ZFPM2: variants seen among roughly 807,000 people sequenced by gnomAD.
The protein encoded by ZFPM2 is zinc finger protein ZFPM2.
In ZFPM2, 20 loss-of-function variants were observed where a neutral mutation model predicts 98.6. The observed-to-expected ratio is 0.20, with a 90% CI of 0.14 to 0.29. The LOEUF (loss-of-function observed/expected upper bound fraction) is 0.29. Ranked by LOEUF, ZFPM2 falls within the 10% of genes least tolerant of loss-of-function variation. ZFPM2 has a pLI of 1.00. For synonymous variants in ZFPM2, 518 were observed against 502.7 expected (o/e 1.03, Z -0.41); for missense variants, 1,310 against 1,388.6 (o/e 0.94, Z 0.90).
intron 1 of ZFPM2, among the ~76,000 whole-genome samples, chr8:105,321,001 T>C (rs1438391010): frequency 1.3e-5 from 2 of 152,236 alleles, no homozygotes; most frequent in Non-Finnish European, 2.9e-5. Flanking sequence ...TTGGATTCAA[T>C]TTGGGGTCAC....
chr8:105,707,969 T>G (rs1469827019), intron 5 of ZFPM2, among the ~76,000 whole-genome samples: 1 of 152,176 alleles, frequency 6.6e-6, no homozygotes, highest in Non-Finnish European at 1.5e-5. Context: ...GAAAATAATT[T>G]TTAACTCTTT....
chr8:105,546,245 T>C (rs1814694430), intron 3 of ZFPM2, among the ~76,000 whole-genome samples: 1 of 152,132 alleles, frequency 6.6e-6, no homozygotes, highest in South Asian at 2.1e-4. Flanking sequence ...TTTTTATCCA[T>C]ATGTTTTATT....
chr8:105,696,522 T>G (rs570320800), intron 5 of ZFPM2, among the ~76,000 whole-genome samples: 1 of 152,206 alleles, frequency 6.6e-6, no homozygotes, highest in Non-Finnish European at 1.5e-5. Context: ...CCACTTTATT[T>G]GCTACCAAAG....
intron 2 of ZFPM2, among the ~76,000 whole-genome samples, chr8:105,438,355 C>A (rs1318499231): frequency 6.6e-6 from 1 of 152,152 alleles, no homozygotes; most frequent in Non-Finnish European, 1.5e-5. Flanking sequence ...TCTCAGTGCC[C>A]AACACAGTGC....
chr8:105,371,321 C>G (rs1348691516), intron 1 of ZFPM2, among the ~76,000 whole-genome samples: 2 of 152,108 alleles, frequency 1.3e-5, no homozygotes, highest in Non-Finnish European at 2.9e-5. Flanking sequence ...AGAATTTATA[C>G]TTGCTGATGA....
chr8:105,561,617 C>A, intron 4 of ZFPM2, 136 bp downstream of exon 4: 2 of 692,918 alleles, frequency 2.9e-6, no homozygotes, highest in Non-Finnish European at 4.8e-6. Flanking sequence ...TCGTGGACAG[C>A]AAAACTTGGA....
intron 2 of ZFPM2, among the ~76,000 whole-genome samples, chr8:105,422,274 C>T (rs1811810605): frequency 6.6e-6 from 1 of 150,922 alleles, no homozygotes. Context: ...CCCATCTCTA[C>T]TAAAATACAA....
At chr8:105,584,905 A>C (rs1815679904) in intron 4 of ZFPM2, among the ~76,000 whole-genome samples, 1 of 152,184 alleles carries the variant, frequency 6.6e-6, no homozygotes, top group Non-Finnish European at 1.5e-5. Context: ...GGTTATGATA[A>C]GGGGTGTATG....
intron 5 of ZFPM2, among the ~76,000 whole-genome samples, chr8:105,727,659 T>C (rs1041022625): frequency 5.9e-5 from 9 of 151,800 alleles, no homozygotes; most frequent in Admixed American, 1.3e-4. Flanking sequence ...AAACTAATTA[T>C]AGTGTTCCCC....
Position 105,318,845 on chromosome 8 carries a change from A to G in ZFPM2, c.-97A>G, listed in dbSNP as rs1489860244. On this transcript the variant is annotated 5_prime_UTR_variant, in exon 1 of 8. Coordinates refer to ENST00000407775, the MANE Select transcript of ZFPM2 (RefSeq NM_012082.4). Reference sequence around the variant, plus strand: ...GGCCGGCGGCGGGCCGAGCCTGGCCAGCGGCGGCGGCGGCGGCGGCGGCGG... The same window carrying G: ...GGCCGGCGGCGGGCCGAGCCTGGCCGGCGGCGGCGGCGGCGGCGGCGGCGG... 109 of 331,966 alleles carry G rather than the reference A, an allele frequency of 3.3e-4. 1 individual carries two copies. The African/African-American group carries it at 3.8e-3, about 11-fold the overall frequency. The allele number at this position is 331,966 out of a possible 1,614,324, so 20.6% of individuals were successfully genotyped here.
intron 4 of ZFPM2, among the ~76,000 whole-genome samples, chr8:105,618,854 G>A (rs1490747231): frequency 1.3e-5 from 2 of 151,960 alleles, no homozygotes; most frequent in African/African-American, 2.4e-5. Context: ...TACTATTAAT[G>A]AATAAGGCAT....
At chr8:105,764,717 T>C (rs1217278057) in intron 5 of ZFPM2, among the ~76,000 whole-genome samples, 1 of 151,776 alleles carries the variant, frequency 6.6e-6, no homozygotes. Context: ...TTGCTATACT[T>C]GATGCGATTT....
At chr8:105,534,991 C>A (rs2130605028) in intron 3 of ZFPM2, among the ~76,000 whole-genome samples, 2 of 152,220 alleles carry the variant, frequency 1.3e-5, no homozygotes, top group Admixed American at 6.5e-5. Context: ...ATGGCATTCT[C>A]CGAATACATG....
At chr8:105,735,525 A>G (rs765433817) in intron 5 of ZFPM2, among the ~76,000 whole-genome samples, 64 of 152,072 alleles carry the variant, frequency 4.2e-4, no homozygotes, top group Non-Finnish European at 8.1e-4. Flanking sequence ...GTATGAAAAC[A>G]ATGTTTAGGA....
intron 4 of ZFPM2, among the ~76,000 whole-genome samples, chr8:105,600,619 A>C (rs2130782829): frequency 6.6e-6 from 1 of 152,214 alleles, no homozygotes; most frequent in South Asian, 2.1e-4. Context: ...GCAAGTTAAA[A>C]AGCATTAGGG....
intron 1 of ZFPM2, among the ~76,000 whole-genome samples, chr8:105,399,860 G>T (rs1341898025): frequency 6.6e-6 from 1 of 152,018 alleles, no homozygotes; most frequent in African/African-American, 2.4e-5. Flanking sequence ...GTGCCTCCTG[G>T]GTTCAAGTAA....
intron 5 of ZFPM2, among the ~76,000 whole-genome samples, chr8:105,726,570 T>C (rs28565020): frequency 0.46 from 68,992 of 151,574 alleles, 16,699 homozygotes; most frequent in African/African-American, 0.62. Flanking sequence ...TTGTTTGTGC[T>C]AGCATCAACT....
intron 4 of ZFPM2, among the ~76,000 whole-genome samples, chr8:105,598,914 G>A (rs1176028776): frequency 6.6e-6 from 1 of 152,140 alleles, no homozygotes; most frequent in African/African-American, 2.4e-5. Context: ...TGTTGCGGAG[G>A]CACCCCTCAC....
intron 4 of ZFPM2, among the ~76,000 whole-genome samples, chr8:105,581,090 A>G (rs1435175745): frequency 2.0e-5 from 3 of 152,108 alleles, no homozygotes; most frequent in African/African-American, 4.8e-5. Flanking sequence ...TGTAACAAGC[A>G]TAAAAATCTC....
Sources: allele counts gnomAD v4.1 joint callset (sites outside exome capture counted in the v4.1 genomes callset), GRCh38; gene constraint gnomAD v4.1.1; transcripts MANE v1.5; gene names NCBI Gene and HGNC (gene_info 2026-07-23, HGNC 2026-07-21).